The following CGRRF1 variants were observed in gnomAD, a reference collection of about 807,000 sequenced individuals.
CGRRF1 encodes the protein cell growth regulator with ring finger domain 1.
In CGRRF1, 32 loss-of-function variants were observed where a neutral mutation model predicts 37.2. The observed-to-expected ratio is 0.86, with a 90% CI of 0.65 to 1.16. The LOEUF is 1.16. CGRRF1 is among the 50% of genes most tolerant of loss of function. The probability of loss-of-function intolerance (pLI) is 0.00; values close to 1 mark genes in which losing one functional copy is unlikely to be tolerated. For missense variants in CGRRF1, 391 were observed against 382.6 expected (o/e 1.02, Z -0.18); for synonymous variants, 141 against 140.3 (o/e 1.00, Z -0.04).
chr14:54,534,056 C>T (rs907949983), intron 4 of CGRRF1, among the ~76,000 whole-genome samples: 1 of 152,094 alleles, frequency 6.6e-6, no homozygotes, highest in African/African-American at 2.4e-5. Context: ...TATTTACCCA[C>T]AACTACATAT....
chr14:54,518,604 A>G (rs1391730867), intron 1 of CGRRF1, among the ~76,000 whole-genome samples: 2 of 151,508 alleles, frequency 1.3e-5, no homozygotes, highest in Non-Finnish European at 2.9e-5. Context: ...CTTTGCCAAG[A>G]TCTGTTGTTT....
intron 1 of CGRRF1, among the ~76,000 whole-genome samples, chr14:54,520,403 G>A (rs2032296195): frequency 6.6e-6 from 1 of 152,126 alleles, no homozygotes; most frequent in South Asian, 2.1e-4. Context: ...AAAGTGCTGG[G>A]ATTACAGGTG....
At chr14:54,512,998 A>C (rs2032154864) in intron 1 of CGRRF1, among the ~76,000 whole-genome samples, 1 of 152,148 alleles carries the variant, frequency 6.6e-6, no homozygotes, top group Non-Finnish European at 1.5e-5. Flanking sequence ...CAGTTCTTCA[A>C]CATATGGTTA....
chr14:54,520,400 T>C (rs553324109), intron 1 of CGRRF1, among the ~76,000 whole-genome samples: 1 of 152,332 alleles, frequency 6.6e-6, no homozygotes, highest in East Asian at 1.9e-4. Flanking sequence ...CCCAAAGTGC[T>C]GGGATTACAG....
chr14:54,528,470 C>A (rs372803717), intron 2 of CGRRF1, among the ~76,000 whole-genome samples: 2 of 151,996 alleles, frequency 1.3e-5, no homozygotes, highest in East Asian at 3.9e-4. Flanking sequence ...GCTAGTAATA[C>A]AATAATAAAT....
Position 54,530,576 on chromosome 14 carries a change from A to G in CGRRF1, c.423-327A>G, listed in dbSNP as rs189079181. 7.1e-5 allele frequency: 80 copies of G among 1,128,952 alleles called. 1 individual carries two copies. In the African/African-American group the frequency reaches 1.2e-3, roughly 18 times the overall value. 69.9% of individuals were successfully genotyped at this position (1,128,952 alleles called of 1,614,324 possible). A position where few individuals can be genotyped will look rare whatever the true frequency, so the allele number is the denominator to read the frequency against. On this transcript the variant is annotated intron_variant, in intron 3 of 5. Transcript: ENST00000216420. ...TGTGGAGTGAATATCTCTATCAGGA[A>G]CAGTATTTGTATCCTTTCATCTGAT...
chr14:54,513,558 G>A (rs2032163539), intron 1 of CGRRF1, among the ~76,000 whole-genome samples: 1 of 148,298 alleles, frequency 6.7e-6, no homozygotes, highest in African/African-American at 2.5e-5. Flanking sequence ...CTAAAAATTG[G>A]ACACAGTTTT....
chr14:54,512,582 T>A (rs1406854873), intron 1 of CGRRF1, among the ~76,000 whole-genome samples: 1 of 152,208 alleles, frequency 6.6e-6, no homozygotes, highest in Non-Finnish European at 1.5e-5. Flanking sequence ...CTAAACTACA[T>A]TTCTTCTTTG....
intron 4 of CGRRF1, 26 bp downstream of exon 4, chr14:54,531,076 AT>A: frequency 6.5e-7 from 1 of 1,546,458 alleles, no homozygotes; most frequent in Non-Finnish European, 8.8e-7. Flanking sequence ...TTTTGAAAGC[AT>A]TACCTTTAAG....
At chr14:54,525,739 G>C (rs1255062610) in intron 2 of CGRRF1, among the ~76,000 whole-genome samples, 1 of 151,834 alleles carries the variant, frequency 6.6e-6, no homozygotes, top group Non-Finnish European at 1.5e-5. Context: ...TTTCACCACT[G>C]TACCCAAACT....
chr14:54,530,038 G>T lies in CGRRF1; in HGVS notation c.245-11G>T. The T allele has an allele frequency of 1.3e-6, 2 of 1,595,994 alleles. No individual in the cohort carries two copies. Among genetic ancestry groups the T allele is most frequent in the South Asian group, 1.1e-5 (1 of 90,198 alleles). On this transcript the variant is annotated splice_polypyrimidine_tract_variant and intron_variant, in intron 2 of 5. Transcript: ENST00000216420. Reference sequence around the variant, plus strand: ...AAATCACTTTCATTCTTTCTCCTTTGTTTTTTACAGCTGGCATAACCTTGA... The same window carrying T: ...AAATCACTTTCATTCTTTCTCCTTTTTTTTTTACAGCTGGCATAACCTTGA...
intron 2 of CGRRF1, among the ~76,000 whole-genome samples, chr14:54,524,385 G>A (rs193096382): frequency 0.099 from 12,994 of 131,634 alleles, 639 homozygotes; most frequent in African/African-American, 0.13. Flanking sequence ...AAAAATATAT[G>A]TTTTTTTTTT....
In CGRRF1 at chr14:54,522,597, G is replaced by T; in HGVS notation, c.244+4G>T. ...CCATCTTCAGCTTCAATTACAAGTT[G>T]GTGGCTGTTTTCCAAAGATTTTCTC... On this transcript the variant is annotated splice_donor_region_variant and intron_variant, in intron 2 of 5. Coordinates refer to ENST00000216420, the MANE Select transcript of CGRRF1 (RefSeq NM_006568.3). 1 of 1,576,660 alleles carries T rather than the reference G, an allele frequency of 6.3e-7. No individual in the cohort carries two copies. The highest frequency in any genetic ancestry group is 2.3e-5 in the East Asian group (1 of 43,992).
At chr14:54,510,231 A>C in intron 1 of CGRRF1, 168 bp downstream of exon 1, 1 of 606,682 alleles carries the variant, frequency 1.6e-6, no homozygotes, top group Non-Finnish European at 2.9e-6. Context: ...AACAAGGTGG[A>C]CGCTGCACCT....
chr14:54,531,927 AT>A (rs1306814548), intron 4 of CGRRF1, among the ~76,000 whole-genome samples: 1 of 152,220 alleles, frequency 6.6e-6, no homozygotes, highest in Admixed American at 6.5e-5. Flanking sequence ...TAATAAACAT[AT>A]GGTAACATTG....
intron 2 of CGRRF1, among the ~76,000 whole-genome samples, 169 bp from the exon 3 acceptor site, chr14:54,529,880 G>T (rs990473556): frequency 3.3e-5 from 5 of 152,094 alleles, no homozygotes; most frequent in African/African-American, 1.2e-4. Flanking sequence ...TATATCTCTT[G>T]TTACAGAGGC....
At chr14:54,521,406 A>C (rs2032314016) in intron 1 of CGRRF1, among the ~76,000 whole-genome samples, 1 of 151,596 alleles carries the variant, frequency 6.6e-6, no homozygotes, top group Non-Finnish European at 1.5e-5. Context: ...GGTTATAGTG[A>C]GCCAAGATCA....
intron 1 of CGRRF1, among the ~76,000 whole-genome samples, chr14:54,519,533 G>A (rs1022461127): frequency 2.6e-5 from 4 of 152,014 alleles, no homozygotes; most frequent in South Asian, 4.2e-4. Context: ...TTATGGGCAG[G>A]AGCCAGTGCA....
At chr14:54,519,572 C>A (rs1051033690) in intron 1 of CGRRF1, among the ~76,000 whole-genome samples, 2 of 152,094 alleles carry the variant, frequency 1.3e-5, no homozygotes, top group African/African-American at 4.8e-5. Flanking sequence ...CTTATAACGA[C>A]AGTTCTGCGT....
Sources: allele counts gnomAD v4.1 joint callset (sites outside exome capture counted in the v4.1 genomes callset), GRCh38; gene constraint gnomAD v4.1.1; transcripts MANE v1.5; gene names NCBI Gene and HGNC (gene_info 2026-07-23, HGNC 2026-07-21).